PPWD1: variants seen among roughly 807,000 people sequenced by gnomAD.
PPWD1 encodes peptidylprolyl isomerase domain and WD repeat-containing protein 1.
PPWD1 carries 43 observed loss-of-function variants against 68.8 expected under a neutral mutation model. The observed-to-expected ratio is 0.62, with a 90% CI of 0.49 to 0.81. The LOEUF (loss-of-function observed/expected upper bound fraction) is 0.81. PPWD1 is among the 30% of genes least tolerant of loss of function. PPWD1 has a pLI of 0.00. For synonymous variants in PPWD1, 232 were observed against 258.7 expected (o/e 0.90, Z 0.99); for missense variants, 672 against 804.8 (o/e 0.83, Z 2.00).
chr5:65,572,318 C>T (rs983051632), intron 5 of PPWD1, 32 bp downstream of exon 5: 5 of 1,532,118 alleles, frequency 3.3e-6, no homozygotes. Context: ...CCGTACTTTA[C>T]TTTTCTAAAA....
At chr5:65,567,189 TTC>T (rs1288118767) in intron 1 of PPWD1, among the ~76,000 whole-genome samples, 1 of 152,104 alleles carries the variant, frequency 6.6e-6, no homozygotes, top group Non-Finnish European at 1.5e-5. Context: ...TCCTTTTTCT[TTC>T]TTTTTTCTTT....
At chr5:65,566,331 C>T (rs1752755599) in intron 1 of PPWD1, among the ~76,000 whole-genome samples, 1 of 152,168 alleles carries the variant, frequency 6.6e-6, no homozygotes, top group Non-Finnish European at 1.5e-5. Flanking sequence ...TAAGGTACAG[C>T]CCTCATCTTC....
In PPWD1 at chr5:65,564,423, G is replaced by A. The variant is rs536001784; in HGVS notation, c.196+917G>A. On this transcript the variant is annotated intron_variant, in intron 1 of 10. Transcript: ENST00000261308. ...GGCTCACCGCAACCTCCGTCTCCGGGGTTCAAGCGATTCTCCTGCCTCAGC... is the reference window on the plus strand; with the variant it reads ...GGCTCACCGCAACCTCCGTCTCCGGAGTTCAAGCGATTCTCCTGCCTCAGC... 2.6e-5 allele frequency among the ~76,000 whole-genome samples: 4 copies of A among 151,662 alleles called. No homozygotes were observed. In the East Asian group the frequency reaches 7.8e-4, roughly 30 times the overall value.
chr5:65,584,505 C>T (rs191048078), intron 8 of PPWD1, among the ~76,000 whole-genome samples: 12 of 152,206 alleles, frequency 7.9e-5, no homozygotes, highest in African/African-American at 2.4e-4. Context: ...TGACCTTTCC[C>T]AGGAACTTAA....
intron 5 of PPWD1, 43 bp from the exon 6 acceptor site, chr5:65,576,836 A>G: frequency 6.3e-7 from 1 of 1,589,454 alleles, no homozygotes; most frequent in Non-Finnish European, 8.6e-7. Flanking sequence ...AGATATAGGT[A>G]TATGTATATA....
chr5:65,574,043 A>T (rs1041500457), intron 5 of PPWD1, among the ~76,000 whole-genome samples: 4 of 152,210 alleles, frequency 2.6e-5, no homozygotes, highest in African/African-American at 9.6e-5. Context: ...ATTGTATGAC[A>T]GTGTCAGTTC....
chr5:65,574,612 C>T (rs572212208), intron 5 of PPWD1, among the ~76,000 whole-genome samples: 42 of 151,192 alleles, frequency 2.8e-4, no homozygotes, highest in African/African-American at 9.9e-4. Flanking sequence ...TACAGGCGCC[C>T]GCCACTGCGC....
At position 65,572,029 on chromosome 5, in the gene PPWD1, G is replaced by T. The variant is rs764916846; in HGVS notation, c.712G>T (p.Val238Leu). The T allele has an allele frequency of 6.2e-7, 1 of 1,614,080 alleles. No individual in the cohort carries two copies. Among genetic ancestry groups the T allele is most frequent in the East Asian group, 2.2e-5 (1 of 44,880 alleles). ...ACGGCTAAACCCAGTTTACAAAGCA[G>T]TAGTGTCTTCTGACAAATCTGGGAT... ...QIRLNPVYKA[V>L]VSSDKSGMIE... The change falls in exon 5 of 11, where the codon GTA becomes TTA. Residue 238 changes from valine (V) to leucine (L), a missense_variant. This residue lies in a region of PPWD1 where 484 missense variants were observed against 646.2 expected (regional missense o/e 0.75). Coordinates refer to ENST00000261308, the MANE Select transcript of PPWD1 (RefSeq NM_015342.4).
chr5:65,569,769 T>C (rs1561723032), intron 3 of PPWD1, 37 bp downstream of exon 3: 4 of 1,574,670 alleles, frequency 2.5e-6, no homozygotes, highest in Non-Finnish European at 8.6e-7. Context: ...AGCTCTTTCC[T>C]AAACTATACT....
intron 4 of PPWD1, chr5:65,570,215 A>G (rs1752955315): frequency 1.2e-5 from 11 of 926,508 alleles, no homozygotes; most frequent in Non-Finnish European, 1.2e-5. Context: ...TCTAAACAGC[A>G]TCATAACAAG....
At chr5:65,570,871 T>C (rs1253620560) in intron 4 of PPWD1, among the ~76,000 whole-genome samples, 1 of 152,132 alleles carries the variant, frequency 6.6e-6, no homozygotes, top group Non-Finnish European at 1.5e-5. Flanking sequence ...AGACCATGTC[T>C]CTAGAAATTC....
At chr5:65,574,948 C>A (rs1753217761) in intron 5 of PPWD1, among the ~76,000 whole-genome samples, 1 of 152,208 alleles carries the variant, frequency 6.6e-6, no homozygotes, top group African/African-American at 2.4e-5. Flanking sequence ...AAATTACTTA[C>A]AGTGCTAGTG....
At chr5:65,580,627 C>T (rs1753553702) in intron 7 of PPWD1, among the ~76,000 whole-genome samples, 1 of 152,146 alleles carries the variant, frequency 6.6e-6, no homozygotes, top group African/African-American at 2.4e-5. Context: ...AATTCGCCTG[C>T]CTCAGTCTCC....
At chr5:65,570,721 T>C in intron 4 of PPWD1, among the ~76,000 whole-genome samples, 1 of 151,970 alleles carries the variant, frequency 6.6e-6, no homozygotes, top group Non-Finnish European at 1.5e-5. Context: ...CTCCCTATGT[T>C]CTCCCATGGT....
chr5:65,570,152 G>A, intron 4 of PPWD1, 154 bp downstream of exon 4: 1 of 850,286 alleles, frequency 1.2e-6, no homozygotes. Context: ...ATACAGTGAA[G>A]CCTTATAATG....
intron 4 of PPWD1, among the ~76,000 whole-genome samples, chr5:65,570,876 AAATTCCAACTGATGG>A (rs879944944): frequency 3.3e-5 from 5 of 152,122 alleles, no homozygotes; most frequent in Non-Finnish European, 7.4e-5. Context: ...ATGTCTCTAG[AAATTCCAACTGATGG>A]AATTCCAACT....
intron 2 of PPWD1, chr5:65,569,337 G>A: frequency 3.6e-6 from 1 of 274,424 alleles, no homozygotes; most frequent in African/African-American, 2.3e-5. Flanking sequence ...TAGCAATAAG[G>A]AATCCAAAGT....
chr5:65,582,347 T>C (rs1753631593), intron 7 of PPWD1, among the ~76,000 whole-genome samples: 2 of 152,222 alleles, frequency 1.3e-5, no homozygotes, highest in South Asian at 4.1e-4. Flanking sequence ...TTTGCATTCT[T>C]TCTCCTATGC....
chr5:65,576,830 A>G (rs1056055356), intron 5 of PPWD1, 49 bp from the exon 6 acceptor site: 1 of 1,573,786 alleles, frequency 6.4e-7, no homozygotes, highest in Non-Finnish European at 8.7e-7. Context: ...TGATATAGAT[A>G]TAGGTATATG....
Sources: gnomAD v4.1 joint callset for allele counts (sites outside exome capture counted in the v4.1 genomes callset) on GRCh38, gnomAD v4.1.1 for gene constraint, gnomAD v4.1.1 regional missense constraint, MANE v1.5 for transcripts, NCBI Gene and HGNC (gene_info 2026-07-23, HGNC 2026-07-21) for gene names.